Variants in FHL5 observed in about 807,000 individuals in gnomAD.
FHL5 encodes the protein four and a half LIM domains 5.
FHL5 carries 33 observed loss-of-function variants against 32.0 expected under a neutral mutation model. The observed-to-expected ratio is 1.03, with a 90% CI of 0.78 to 1.38. FHL5 has a LOEUF of 1.38. Among genes scored for constraint, FHL5 ranks in the 40% most tolerant of loss-of-function variants. FHL5 has a pLI of 0.00. For missense variants in FHL5, 336 were observed against 343.9 expected (o/e 0.98, Z 0.18); for synonymous variants, 114 against 113.6 (o/e 1.00, Z -0.02).
intron 4 of FHL5, among the ~76,000 whole-genome samples, chr6:96,607,395 A>T (rs1396605329): frequency 6.8e-6 from 1 of 147,332 alleles, no homozygotes; most frequent in Non-Finnish European, 1.5e-5. Context: ...ATATGTGAAC[A>T]CACATGCACA....
chr6:96,595,428 GT>G (rs1771016412), intron 1 of FHL5, among the ~76,000 whole-genome samples: 1 of 151,320 alleles, frequency 6.6e-6, no homozygotes, highest in Non-Finnish European at 1.5e-5. Flanking sequence ...TGATGTGTTT[GT>G]TTTTATGATG....
At chr6:96,606,648 G>A (rs1045843504) in intron 4 of FHL5, among the ~76,000 whole-genome samples, 5 of 152,048 alleles carry the variant, frequency 3.3e-5, no homozygotes, top group African/African-American at 4.8e-5. Flanking sequence ...CACCACACTC[G>A]GCCCATTCAC....
At chr6:96,614,799 A>G (rs938703027) in intron 5 of FHL5, among the ~76,000 whole-genome samples, 1 of 152,242 alleles carries the variant, frequency 6.6e-6, no homozygotes, top group African/African-American at 2.4e-5. Flanking sequence ...TTAAGGAGAC[A>G]GAGATCAGAC....
At chr6:96,590,373 T>C (rs920309596) in intron 1 of FHL5, among the ~76,000 whole-genome samples, 3 of 152,058 alleles carry the variant, frequency 2.0e-5, no homozygotes, top group African/African-American at 7.2e-5. Context: ...TTATTAGGTT[T>C]CTCAGGGAAT....
intron 1 of FHL5, among the ~76,000 whole-genome samples, chr6:96,569,539 C>T (rs1182086471): frequency 2.6e-5 from 4 of 151,990 alleles, no homozygotes; most frequent in African/African-American, 9.7e-5. Flanking sequence ...AAGTCCCCAG[C>T]TATAATTGTA....
Position 96,616,682 on chromosome 6 carries a change from T to C in FHL5, c.*910T>C, listed in dbSNP as rs1018466966. The C allele has an allele frequency of 5.9e-5, 9 of 152,200 alleles. No homozygotes were observed. Among genetic ancestry groups the C allele is most frequent in the Non-Finnish European group, 1.2e-4 (8 of 68,030 alleles). 9.4% of individuals were successfully genotyped at this position (152,200 alleles called of 1,614,324 possible). ...AGGGAAGGGATTGAGTCTTGGAACA[T>C]GACTTTCATCCAGATATCTAACGAC... On this transcript the variant is annotated 3_prime_UTR_variant, in exon 6 of 6. Coordinates refer to ENST00000450218, the MANE Select transcript of FHL5 (RefSeq NM_001322466.2).
In FHL5 at chr6:96,617,467, G is replaced by A. The variant is rs549141114; in HGVS notation, c.*1695G>A. Among the ~76,000 whole-genome samples the A allele has an allele frequency of 3.3e-4, 50 of 152,294 alleles. No homozygotes were observed. The highest frequency in any genetic ancestry group is 3.4e-3 in the Middle Eastern group (1 of 294). ...ATTTAGAGATACTAATAAGTGTTCT[G>A]CTAGATAGACTATTTGAAAACTATA... is the stretch of plus-strand genomic sequence containing the variant. On this transcript the variant is annotated 3_prime_UTR_variant, in exon 6 of 6. Coordinates refer to ENST00000450218, the MANE Select transcript of FHL5 (RefSeq NM_001322466.2).
Position 96,613,534 on chromosome 6 carries a change from T to C in FHL5, c.692-2075T>C, listed in dbSNP as rs1226088451. On this transcript the variant is annotated intron_variant, in intron 5 of 5. Transcript: ENST00000450218. ...CACCTCAGGGGTGGGGGGCCTTCAT[T>C]TGCCTTATTTATAAAACAAGCAGTT... Among the ~76,000 whole-genome samples the C allele has an allele frequency of 2.0e-5, 3 of 152,214 alleles. No individual in the cohort carries two copies. The South Asian group carries it at 6.2e-4, about 32-fold the overall frequency.
intron 1 of FHL5, among the ~76,000 whole-genome samples, chr6:96,566,170 G>C (rs1770353324): frequency 6.6e-6 from 1 of 151,798 alleles, no homozygotes; most frequent in Admixed American, 6.6e-5. Flanking sequence ...ACCCTTTTCT[G>C]CTTCCAGTAA....
intron 1 of FHL5, among the ~76,000 whole-genome samples, chr6:96,601,732 A>G (rs1771153154): frequency 6.6e-6 from 1 of 152,242 alleles, no homozygotes; most frequent in South Asian, 2.1e-4. Flanking sequence ...TATTAAGTGA[A>G]GAGAGTTAAA....
At chr6:96,600,284 A>G (rs1771122181) in intron 1 of FHL5, among the ~76,000 whole-genome samples, 1 of 152,170 alleles carries the variant, frequency 6.6e-6, no homozygotes, top group South Asian at 2.1e-4. Flanking sequence ...TGAGAACAGA[A>G]AAAGCTTTAA....
At chr6:96,604,295 T>C (rs1195176745) in intron 2 of FHL5, among the ~76,000 whole-genome samples, 2 of 150,966 alleles carry the variant, frequency 1.3e-5, no homozygotes, top group Non-Finnish European at 3.0e-5. Flanking sequence ...CTCCGATTAT[T>C]TTCCTCTCTC....
rs374696062 is a variant in FHL5 at position 96,604,827 on chromosome 6, G to A, written c.237G>A (p.Lys79=). 2.5e-6 allele frequency: 4 copies of A among 1,613,938 alleles called. No homozygotes were observed. Among genetic ancestry groups the A allele is most frequent in the African/African-American group, 2.7e-5 (2 of 74,940 alleles). Residue 79 remains lysine (K), a synonymous_variant, in exon 3 of 6, where the codon AAG becomes AAA. Transcript: ENST00000450218. ...CTKCNHSLVE[K]PFAAKDERLL... is the part of the protein sequence containing the mutation. ...AATGCAATCACTCTTTGGTGGAAAAGCCTTTTGCTGCCAAGGATGAGCGCC... is the reference window on the plus strand; with the variant it reads ...AATGCAATCACTCTTTGGTGGAAAAACCTTTTGCTGCCAAGGATGAGCGCC...
chr6:96,596,871 G>T (rs142609862), intron 1 of FHL5, among the ~76,000 whole-genome samples: 1 of 151,512 alleles, frequency 6.6e-6, no homozygotes, highest in African/African-American at 2.4e-5. Context: ...CTGTACTCCC[G>T]TCTTCTATTA....
chr6:96,564,315 C>T (rs1029168729), intron 1 of FHL5, among the ~76,000 whole-genome samples: 1 of 152,122 alleles, frequency 6.6e-6, no homozygotes, highest in Non-Finnish European at 1.5e-5. Flanking sequence ...ACATATGTAT[C>T]ATACAAGATA....
At chr6:96,593,499 G>A (rs369347442) in intron 1 of FHL5, among the ~76,000 whole-genome samples, 1 of 152,158 alleles carries the variant, frequency 6.6e-6, no homozygotes, top group African/African-American at 2.4e-5. Context: ...AGAAACTGAG[G>A]TAATTCAAAG....
intron 1 of FHL5, among the ~76,000 whole-genome samples, chr6:96,567,633 T>G (rs1487664706): frequency 6.6e-6 from 1 of 151,866 alleles, no homozygotes; most frequent in African/African-American, 2.4e-5. Context: ...TGAGATATCT[T>G]TCCATTTTTT....
At chr6:96,580,986 C>T (rs1000274086) in intron 1 of FHL5, among the ~76,000 whole-genome samples, 3 of 152,056 alleles carry the variant, frequency 2.0e-5, no homozygotes, top group Non-Finnish European at 4.4e-5. Context: ...CTGTTTATTG[C>T]TTATATTTGA....
intron 5 of FHL5, among the ~76,000 whole-genome samples, chr6:96,613,006 C>G (rs1028254067): frequency 2.0e-5 from 3 of 152,076 alleles, no homozygotes; most frequent in Non-Finnish European, 4.4e-5. Flanking sequence ...TTCAGTTAAA[C>G]AGGGGAAATA....
Sources: allele counts gnomAD v4.1 joint callset (sites outside exome capture counted in the v4.1 genomes callset), GRCh38; gene constraint gnomAD v4.1.1; transcripts MANE v1.5; gene names NCBI Gene and HGNC (gene_info 2026-07-23, HGNC 2026-07-21).